Variants in COL26A1 observed in about 807,000 individuals in gnomAD.
COL26A1 encodes the protein collagen type XXVI alpha 1 chain.
COL26A1 carries 41 observed loss-of-function variants against 59.3 expected under a neutral mutation model. That is an observed-to-expected ratio of 0.69 (90% CI 0.54 to 0.90). The LOEUF is 0.90. Ranked by LOEUF, COL26A1 falls within the 40% of genes least tolerant of loss-of-function variation. The pLI is 0.00. For synonymous variants in COL26A1, 266 were observed against 256.0 expected (o/e 1.04, Z -0.37); for missense variants, 612 against 602.3 (o/e 1.02, Z -0.17).
chr7:101,486,392 G>T (rs968137792), intron 3 of COL26A1, among the ~76,000 whole-genome samples: 14 of 152,170 alleles, frequency 9.2e-5, no homozygotes, highest in Non-Finnish European at 1.8e-4. Flanking sequence ...CCCGGTCTTG[G>T]GGTTCACAGG....
chr7:101,365,434 G>T (rs1408365518), intron 1 of COL26A1, among the ~76,000 whole-genome samples: 2 of 151,970 alleles, frequency 1.3e-5, no homozygotes, highest in East Asian at 1.9e-4. Flanking sequence ...TCTGGTTTCT[G>T]TGTTTTTTTT....
chr7:101,465,311 A>G (rs1793730819), intron 3 of COL26A1, among the ~76,000 whole-genome samples: 1 of 152,136 alleles, frequency 6.6e-6, no homozygotes, highest in African/African-American at 2.4e-5. Flanking sequence ...AAGTGCTGGC[A>G]TTGCAGATGT....
At chr7:101,469,291 G>T (rs142877889) in intron 3 of COL26A1, among the ~76,000 whole-genome samples, 5 of 152,230 alleles carry the variant, frequency 3.3e-5, no homozygotes, top group African/African-American at 1.2e-4. Flanking sequence ...GGAGACTGCT[G>T]TGGTTTTTTT....
rs779717009 is a variant in COL26A1, at chr7:101,545,505, T to TG, written c.856+21dup. On this transcript the variant is annotated intron_variant, in intron 7 of 12. Coordinates refer to ENST00000313669, the MANE Select transcript of COL26A1 (RefSeq NM_001278563.3). ...AGACAAAGACAGTGAGTAATGCCCC[T>TG]GGGGGGCCAAGGGAGGGCTGAGCTA... 20 of 1,592,378 alleles carry TG rather than the reference T, an allele frequency of 1.3e-5. No individual in the cohort carries two copies. Among genetic ancestry groups the TG allele is most frequent in the African/African-American group, 2.7e-5 (2 of 73,094 alleles).
rs535904164 is a variant in COL26A1 at position 101,380,212 on chromosome 7, G to A, written c.158+17022G>A. Among the ~76,000 whole-genome samples the A allele has an allele frequency of 2.3e-3, 347 of 151,542 alleles. 1 individual carries two copies. Among genetic ancestry groups the A allele is most frequent in the Middle Eastern group, 3.4e-3 (1 of 292 alleles). ...TCACTATATTGGCCAGGCTGGTCTC[G>A]AACTCCTGACTTTATGATCCACCTG... is the stretch of plus-strand genomic sequence containing the variant. On this transcript the variant is annotated intron_variant, in intron 1 of 12. Transcript: ENST00000313669.
intron 3 of COL26A1, among the ~76,000 whole-genome samples, chr7:101,491,254 G>C (rs6970490): frequency 0.26 from 40,021 of 151,848 alleles, 5,647 homozygotes; most frequent in Non-Finnish European, 0.32. Context: ...TCCCGTGCAG[G>C]GGTGTCGTAT....
intron 3 of COL26A1, among the ~76,000 whole-genome samples, chr7:101,505,486 A>G (rs1400215007): frequency 6.6e-6 from 1 of 152,136 alleles, no homozygotes; most frequent in Non-Finnish European, 1.5e-5. Context: ...GTTAAGGAGT[A>G]TTAACTCACA....
At chr7:101,372,129 G>T (rs992957020) in intron 1 of COL26A1, among the ~76,000 whole-genome samples, 1 of 152,180 alleles carries the variant, frequency 6.6e-6, no homozygotes, top group African/African-American at 2.4e-5. Context: ...GGACGGGGGA[G>T]TTCCACAAAT....
rs1491262607 is a variant in COL26A1, at chr7:101,489,599, CTT to C, written c.385+41816_385+41817del. 1.9e-4 allele frequency among the ~76,000 whole-genome samples: 27 copies of C among 145,264 alleles called. 2 individuals are homozygous for C. Among genetic ancestry groups the C allele is most frequent in the South Asian group, 4.5e-4 (2 of 4,406 alleles). On this transcript the variant is annotated intron_variant, in intron 3 of 12. Coordinates refer to ENST00000313669, the MANE Select transcript of COL26A1 (RefSeq NM_001278563.3). ...ACCACCACACTCGGCTATTTTCTTT[CTT>C]TTTCTTTCTTTCTTTCTTTCTTTCT... is the stretch of plus-strand genomic sequence containing the variant.
At chr7:101,385,361 A>ATG (rs1215259768) in intron 1 of COL26A1, among the ~76,000 whole-genome samples, 24 of 136,602 alleles carry the variant, frequency 1.8e-4, no homozygotes, top group Middle Eastern at 3.6e-3. Context: ...GTGTATATAT[A>ATG]TGTGTGTATA....
intron 3 of COL26A1, among the ~76,000 whole-genome samples, chr7:101,530,700 G>A (rs1795347560): frequency 6.6e-6 from 1 of 151,630 alleles, no homozygotes; most frequent in African/African-American, 2.4e-5. Context: ...CCAAATGTCA[G>A]CGTCGGTGGG....
intron 3 of COL26A1, among the ~76,000 whole-genome samples, chr7:101,529,796 T>A (rs993273063): frequency 5.9e-5 from 9 of 152,218 alleles, no homozygotes; most frequent in African/African-American, 1.9e-4. Flanking sequence ...ACAGTGTATA[T>A]GCACCTCATT....
rs1164705932 is a variant in COL26A1, at chr7:101,434,032, CTCCCT to C, written c.282-13641_282-13637del. 3.8e-3 allele frequency among the ~76,000 whole-genome samples: 502 copies of C among 132,070 alleles called. 32 individuals are homozygous for C. The highest frequency in any genetic ancestry group is 0.015 in the African/African-American group (429 of 28,806). The allele number at this position is 132,070 out of a possible 152,430, so 86.6% of individuals were successfully genotyped here. ...TGTGGATTTTCCCATCTGGTGATTA[CTCCCT>C]TCCCTTCCCTCCCTCCCTCCCTCCC... On this transcript the variant is annotated intron_variant, in intron 2 of 12. Transcript: ENST00000313669.
At chr7:101,513,655 C>T (rs974406371) in intron 3 of COL26A1, among the ~76,000 whole-genome samples, 1 of 152,090 alleles carries the variant, frequency 6.6e-6, no homozygotes, top group Non-Finnish European at 1.5e-5. Context: ...AGTAGCCTCC[C>T]TTTAAGGTCA....
chr7:101,466,447 A>G (rs1473265591), intron 3 of COL26A1, among the ~76,000 whole-genome samples: 1 of 152,078 alleles, frequency 6.6e-6, no homozygotes, highest in Non-Finnish European at 1.5e-5. Context: ...CATACCTGTC[A>G]TCCCAGCACT....
Position 101,429,589 on chromosome 7 carries a change from C to CTTTT in COL26A1, c.281+9508_281+9511dup, listed in dbSNP as rs58432413. ...ATTCTTTTTTTTCCTTTCTTTTTTA[C>CTTTT]TTTTTTTTTTTTTTTTTTTTTGAGA... On this transcript the variant is annotated intron_variant, in intron 2 of 12. Transcript: ENST00000313669. Among the ~76,000 whole-genome samples, 7 of 78,680 alleles carry CTTTT rather than the reference C, an allele frequency of 8.9e-5. 1 individual carries two copies. Among genetic ancestry groups the CTTTT allele is most frequent in the African/African-American group, 1.5e-4 (3 of 19,380 alleles). The allele number at this position is 78,680 out of a possible 152,430, so 51.6% of individuals were successfully genotyped here. A position where few individuals can be genotyped will look rare whatever the true frequency, so the allele number is the denominator to read the frequency against.
chr7:101,422,110 G>A (rs1045653848), intron 2 of COL26A1, among the ~76,000 whole-genome samples: 1 of 152,024 alleles, frequency 6.6e-6, no homozygotes, highest in Non-Finnish European at 1.5e-5. Flanking sequence ...TCGGGAGTTC[G>A]AGACTAGCAT....
intron 3 of COL26A1, among the ~76,000 whole-genome samples, chr7:101,506,528 C>T (rs1794815673): frequency 6.6e-6 from 1 of 152,196 alleles, no homozygotes. Context: ...CTGAGAGGGG[C>T]CCCGAGACCA....
At position 101,395,148 on chromosome 7, in the gene COL26A1, C is replaced by T. The variant is rs375056819; in HGVS notation, c.159-24829C>T. Among the ~76,000 whole-genome samples, 355 of 152,098 alleles carry T rather than the reference C, an allele frequency of 2.3e-3. 3 individuals are homozygous for T. Among genetic ancestry groups the T allele is most frequent in the South Asian group, 5.0e-3 (24 of 4,802 alleles). On this transcript the variant is annotated intron_variant, in intron 1 of 12. Coordinates refer to ENST00000313669, the MANE Select transcript of COL26A1 (RefSeq NM_001278563.3). ...CTGGCCTCCCAAAGTGCTGGGATTG[C>T]GGGCATGAGCCACCGCGCCCAGCCC...
Sources: gnomAD v4.1 joint callset for allele counts (sites outside exome capture counted in the v4.1 genomes callset) on GRCh38, gnomAD v4.1.1 for gene constraint, MANE v1.5 for transcripts, NCBI Gene and HGNC (gene_info 2026-07-23, HGNC 2026-07-21) for gene names.